STK3: variants seen among roughly 807,000 people sequenced by gnomAD.
STK3 encodes the protein serine/threonine-protein kinase 3.
A neutral mutation model predicts 58.0 loss-of-function variants in STK3; 41 were observed. That is an observed-to-expected ratio of 0.71 (90% CI 0.55 to 0.92). The LOEUF is 0.92. Among genes scored for constraint, STK3 ranks in the 40% least tolerant of loss-of-function variants. The pLI is 0.00. For missense variants in STK3, 479 were observed against 602.7 expected, an observed-to-expected ratio of 0.79 and a Z score of 2.15; for synonymous variants, 170 against 191.0, an observed-to-expected ratio of 0.89 and a Z score of 0.91.
chr8:98,618,552 T>C (rs1817970558), intron 6 of STK3, among the ~76,000 whole-genome samples: 1 of 149,840 alleles, frequency 6.7e-6, no homozygotes, highest in Admixed American at 6.7e-5. Flanking sequence ...CATGATTGTT[T>C]ATCTAGAAAA....
At chr8:98,413,770 C>A in intron 3 of STK3, 1 of 674,924 alleles carries the variant, frequency 1.5e-6, no homozygotes. Context: ...TGAGAGGAAG[C>A]CCATCGTCAT....
chr8:98,941,162 C>G (rs1455627353), intron 1 of STK3, among the ~76,000 whole-genome samples: 1 of 152,250 alleles, frequency 6.6e-6, no homozygotes, highest in Non-Finnish European at 1.5e-5. Flanking sequence ...CGGACTGCAG[C>G]CCGCGGCTGC....
At chr8:98,477,919 C>T (rs1586659827) in intron 10 of STK3, among the ~76,000 whole-genome samples, 1 of 152,108 alleles carries the variant, frequency 6.6e-6, no homozygotes, top group East Asian at 1.9e-4. Flanking sequence ...TCACAAGATG[C>T]CAGTAGCTTT....
the STK3 span, among the ~76,000 whole-genome samples, chr8:98,345,528 G>T: frequency 6.6e-6 from 1 of 151,950 alleles, no homozygotes; most frequent in Non-Finnish European, 1.5e-5. Flanking sequence ...GTCATCTAGG[G>T]AAAGGCGGTC....
At chr8:98,903,550 CTTCTTCCTT>C (rs1196050077) in intron 1 of STK3, among the ~76,000 whole-genome samples, 687 of 18,410 alleles carry the variant, frequency 0.037, 39 homozygotes, top group Middle Eastern at 0.15. Context: ...TCTTCTTCTT[CTTCTTCCTT>C]TTTTTTTTTT....
intron 10 of STK3, among the ~76,000 whole-genome samples, chr8:98,475,473 A>G (rs1821236537): frequency 6.6e-6 from 1 of 152,210 alleles, no homozygotes. Flanking sequence ...CTTTTGCTAG[A>G]CTGTTCTGAA....
chr8:98,720,599 A>T (rs1243223810), intron 4 of STK3, among the ~76,000 whole-genome samples: 7 of 152,082 alleles, frequency 4.6e-5, no homozygotes, highest in Admixed American at 4.6e-4. Context: ...AAGTACAAAA[A>T]AATTAGCCAG....
chr8:98,761,155 G>C (rs573477019), intron 3 of STK3, among the ~76,000 whole-genome samples: 1 of 150,220 alleles, frequency 6.7e-6, no homozygotes, highest in Non-Finnish European at 1.5e-5. Context: ...ACAGGGTCTG[G>C]CTCTATCACC....
chr8:98,526,639 TATATACATACACACAGTTC>T, intron 10 of STK3, 84 bp downstream of exon 10: 2 of 939,096 alleles, frequency 2.1e-6, no homozygotes, highest in Non-Finnish European at 2.9e-6. Context: ...TCTATAATTG[TATATACATACACACAGTTC>T]ATATACATAT....
At chr8:98,381,078 C>A (rs577154973) in intron 1 of STK3, among the ~76,000 whole-genome samples, 5 of 141,400 alleles carry the variant, frequency 3.5e-5, no homozygotes, top group African/African-American at 1.3e-4. Context: ...TCAAGTGATT[C>A]TCTTGCCTAA....
chr8:98,928,700 T>C (rs1002881179), intron 1 of STK3, among the ~76,000 whole-genome samples: 2 of 152,212 alleles, frequency 1.3e-5, no homozygotes, highest in African/African-American at 4.8e-5. Context: ...CTTCTTGGCT[T>C]TCCAAAGATT....
chr8:98,904,248 T>C (rs1261258835), intron 1 of STK3, among the ~76,000 whole-genome samples: 1 of 152,148 alleles, frequency 6.6e-6, no homozygotes, highest in Non-Finnish European at 1.5e-5. Flanking sequence ...AGAAAGGAGA[T>C]GCTGCAGGTA....
rs765607406 is a variant in STK3 at position 98,378,657 on chromosome 8, C to T, written n.111+496G>A. ...TAGCTGTTTTTATCAACCTCCTCTC[C>T]GCCTTCTCTTCCTCCCCGCTTCCTT... is the stretch of plus-strand genomic sequence containing the variant. On this transcript the variant is annotated intron_variant and non_coding_transcript_variant, in intron 2 of 2. Coordinates refer to the STK3 transcript ENST00000518704. 4.4e-4 allele frequency among the ~76,000 whole-genome samples: 67 copies of T among 152,154 alleles called. 1 individual carries two copies. The highest frequency in any genetic ancestry group is 9.4e-4 in the Non-Finnish European group (64 of 68,030).
intron 8 of STK3, among the ~76,000 whole-genome samples, chr8:98,570,854 T>C (rs1284584466): frequency 6.6e-6 from 1 of 152,220 alleles, no homozygotes; most frequent in Non-Finnish European, 1.5e-5. Context: ...AGAGGTTAAG[T>C]AACCTGCCCA....
intron 4 of STK3, among the ~76,000 whole-genome samples, chr8:98,747,460 A>T (rs908956782): frequency 6.6e-6 from 1 of 152,214 alleles, no homozygotes; most frequent in Non-Finnish European, 1.5e-5. Context: ...TAGACTCGTC[A>T]AATTTTTGAA....
intron 10 of STK3, among the ~76,000 whole-genome samples, chr8:98,504,082 G>T (rs1261887535): frequency 6.6e-6 from 1 of 152,094 alleles, no homozygotes; most frequent in African/African-American, 2.4e-5. Flanking sequence ...GCATTGGGTG[G>T]TACATACATA....
chr8:98,363,190 C>T, the STK3 span, among the ~76,000 whole-genome samples: 1 of 152,094 alleles, frequency 6.6e-6, no homozygotes, highest in Non-Finnish European at 1.5e-5. Flanking sequence ...CTGGGGAGAC[C>T]GACTTAGCAG....
chr8:98,567,958 T>A (rs1029419490), intron 8 of STK3, among the ~76,000 whole-genome samples: 1 of 151,974 alleles, frequency 6.6e-6, no homozygotes, highest in Admixed American at 6.6e-5. Context: ...CTCGGGAGAC[T>A]GAGGCAGGAA....
At chr8:98,392,795 T>C (rs1817860498), upstream of STK3, among the ~76,000 whole-genome samples, 1 of 152,222 alleles carries the variant, frequency 6.6e-6, no homozygotes, top group Admixed American at 6.5e-5. Flanking sequence ...TCTTCTCCTG[T>C]CCATGAAGCC....
Sources: allele counts gnomAD v4.1 joint callset (sites outside exome capture counted in the v4.1 genomes callset), GRCh38; gene constraint gnomAD v4.1.1; transcripts MANE v1.5; gene names NCBI Gene and HGNC (gene_info 2026-07-23, HGNC 2026-07-21).